KCNH8: variants seen among roughly 807,000 people sequenced by gnomAD.
KCNH8 encodes voltage-gated delayed rectifier potassium channel KCNH8.
KCNH8 carries 70 observed loss-of-function variants against 103.6 expected under a neutral mutation model. The observed-to-expected ratio is 0.68, with a 90% CI of 0.56 to 0.82. The LOEUF (loss-of-function observed/expected upper bound fraction) is 0.82. Among genes scored for constraint, KCNH8 ranks in the 40% least tolerant of loss-of-function variants. The pLI, the probability that KCNH8 is intolerant of heterozygous loss-of-function variation, is 0.00. For synonymous variants in KCNH8, 498 were observed against 489.4 expected, an observed-to-expected ratio of 1.02 and a Z score of -0.23; for missense variants, 1,217 against 1,329.9, an observed-to-expected ratio of 0.92 and a Z score of 1.32.
chr3:19,282,659 G>A (rs2064773295), intron 3 of KCNH8, among the ~76,000 whole-genome samples: 1 of 151,984 alleles, frequency 6.6e-6, no homozygotes, highest in Non-Finnish European at 1.5e-5. Flanking sequence ...CATGCCTAAT[G>A]GTTTTATACA....
At chr3:19,468,562 G>A (rs2067790646) in intron 11 of KCNH8, among the ~76,000 whole-genome samples, 1 of 152,138 alleles carries the variant, frequency 6.6e-6, no homozygotes, top group Admixed American at 6.5e-5. Context: ...AGCAACATGA[G>A]GAATTTAAGC....
At chr3:19,272,466 C>T (rs984842887) in intron 2 of KCNH8, among the ~76,000 whole-genome samples, 1 of 152,072 alleles carries the variant, frequency 6.6e-6, no homozygotes, top group African/African-American at 2.4e-5. Context: ...TCATGGGCTG[C>T]TTCTAGCCAA....
At chr3:19,411,213 G>T (rs1347391715) in intron 7 of KCNH8, among the ~76,000 whole-genome samples, 2 of 151,970 alleles carry the variant, frequency 1.3e-5, no homozygotes, top group Non-Finnish European at 2.9e-5. Flanking sequence ...CGTTCCGCAT[G>T]CACAAAACAA....
rs370202085 is a variant in KCNH8, at chr3:19,451,121, C to T, written c.1576-34C>T. ...GTAAATCAGTTAGACTACACTTACC[C>T]CAATTTGATTTCCTCCTTCATCTTC... is the stretch of plus-strand genomic sequence containing the variant. On this transcript the variant is annotated intron_variant, in intron 9 of 15. Transcript: ENST00000328405. The T allele has an allele frequency of 5.7e-5, 91 of 1,609,908 alleles. No individual in the cohort carries two copies. The East Asian group carries it at 1.1e-3, about 19-fold the overall frequency.
chr3:19,174,115 T>G (rs527963511), intron 1 of KCNH8, among the ~76,000 whole-genome samples: 1 of 151,858 alleles, frequency 6.6e-6, no homozygotes, highest in African/African-American at 2.4e-5. Flanking sequence ...TAAAAAGAAG[T>G]AAGAAAAAGA....
intron 7 of KCNH8, among the ~76,000 whole-genome samples, chr3:19,406,816 G>A (rs1280891442): frequency 6.6e-6 from 1 of 152,090 alleles, no homozygotes; most frequent in African/African-American, 2.4e-5. Flanking sequence ...GGAGAACATA[G>A]ATTGAGTGTT....
At chr3:19,530,934 G>C (rs372273779) in intron 15 of KCNH8, among the ~76,000 whole-genome samples, 2 of 152,154 alleles carry the variant, frequency 1.3e-5, no homozygotes, top group African/African-American at 4.8e-5. Flanking sequence ...GTTGAGAAAT[G>C]ATAGTACATC....
intron 7 of KCNH8, among the ~76,000 whole-genome samples, chr3:19,406,065 G>A (rs2066686866): frequency 1.3e-5 from 2 of 151,974 alleles, no homozygotes; most frequent in South Asian, 4.1e-4. Context: ...TTACCTTTAA[G>A]AAATGTGTCT....
At chr3:19,476,669 T>C (rs900189898) in intron 11 of KCNH8, among the ~76,000 whole-genome samples, 1 of 152,158 alleles carries the variant, frequency 6.6e-6, no homozygotes, top group African/African-American at 2.4e-5. Flanking sequence ...CTTCTTAAGC[T>C]TGAAATCTTT....
At position 19,242,964 on chromosome 3, in the gene KCNH8, G is replaced by A. The variant is rs183112813; in HGVS notation, c.77-10690G>A. On this transcript the variant is annotated intron_variant, in intron 1 of 15. Coordinates refer to ENST00000328405, the MANE Select transcript of KCNH8 (RefSeq NM_144633.3). ...TAGCCATCCTCCACTGAACTCAGGA[G>A]TATTACAGCTCTAAGGATGGTTTAA... 4.5e-3 allele frequency among the ~76,000 whole-genome samples: 683 copies of A among 152,258 alleles called. 2 individuals are homozygous for A. Among genetic ancestry groups the A allele is most frequent in the Non-Finnish European group, 6.5e-3 (440 of 67,992 alleles).
rs547936084 is a variant in KCNH8 at position 19,192,351 on chromosome 3, T to C, written c.76+43556T>C. Reference sequence around the variant, plus strand: ...TAGCAAACATAGTAATTACCAACCTTAAAGAGTCAGCTACTCTCACTGGGG... The same window carrying C: ...TAGCAAACATAGTAATTACCAACCTCAAAGAGTCAGCTACTCTCACTGGGG... On this transcript the variant is annotated intron_variant, in intron 1 of 15. Transcript: ENST00000328405. Among the ~76,000 whole-genome samples, 13 of 151,718 alleles carry C rather than the reference T, an allele frequency of 8.6e-5. No individual in the cohort carries two copies. The East Asian group carries it at 2.3e-3, about 27-fold the overall frequency.
rs138798898 is a variant in KCNH8, at chr3:19,365,561, G to A, written c.811+17596G>A. Among the ~76,000 whole-genome samples the A allele has an allele frequency of 2.4e-3, 371 of 151,908 alleles. 1 individual carries two copies. Among genetic ancestry groups the A allele is most frequent in the African/African-American group, 8.6e-3 (356 of 41,430 alleles). Reference sequence around the variant, plus strand: ...TTTTTGCCACTTAAATATAAAAATCGTAATGAACATCTCTATGAAAAATAT... The same window carrying A: ...TTTTTGCCACTTAAATATAAAAATCATAATGAACATCTCTATGAAAAATAT... On this transcript the variant is annotated intron_variant, in intron 5 of 15. Transcript: ENST00000328405.
At chr3:19,422,451 TA>T (rs1357129694) in intron 7 of KCNH8, among the ~76,000 whole-genome samples, 1 of 152,136 alleles carries the variant, frequency 6.6e-6, no homozygotes, top group East Asian at 1.9e-4. Flanking sequence ...CCAGATGTTT[TA>T]CAAAATTATT....
intron 1 of KCNH8, among the ~76,000 whole-genome samples, chr3:19,206,898 T>C (rs1213443965): frequency 6.6e-6 from 1 of 151,646 alleles, no homozygotes; most frequent in Non-Finnish European, 1.5e-5. Flanking sequence ...GGATGGAAAA[T>C]ATCGGAAGAA....
chr3:19,440,401 G>T (rs1396194671), intron 8 of KCNH8, among the ~76,000 whole-genome samples: 3 of 152,168 alleles, frequency 2.0e-5, no homozygotes. Context: ...AGAAAAAGAG[G>T]TTTAATGGAT....
At chr3:19,184,141 T>C (rs1023690965) in intron 1 of KCNH8, among the ~76,000 whole-genome samples, 2 of 152,088 alleles carry the variant, frequency 1.3e-5, no homozygotes, top group Non-Finnish European at 2.9e-5. Flanking sequence ...AGAGTGCTTG[T>C]TGCATCATTA....
At chr3:19,419,429 T>C (rs1051900788) in intron 7 of KCNH8, among the ~76,000 whole-genome samples, 2 of 151,718 alleles carry the variant, frequency 1.3e-5, no homozygotes, top group Non-Finnish European at 2.9e-5. Context: ...CTCGATCTCC[T>C]GACCTCGTGA....
chr3:19,421,700 T>C (rs1324498339), intron 7 of KCNH8, among the ~76,000 whole-genome samples: 1 of 152,078 alleles, frequency 6.6e-6, no homozygotes, highest in Non-Finnish European at 1.5e-5. Flanking sequence ...TTTAGTGAGC[T>C]CATTTCCATC....
At chr3:19,287,999 A>G (rs534360276) in intron 3 of KCNH8, among the ~76,000 whole-genome samples, 1 of 151,808 alleles carries the variant, frequency 6.6e-6, no homozygotes, top group Non-Finnish European at 1.5e-5. Flanking sequence ...ACCCAGGAGA[A>G]TTTTCCCTCA....
Sources: gnomAD v4.1 joint callset for allele counts (sites outside exome capture counted in the v4.1 genomes callset) on GRCh38, gnomAD v4.1.1 for gene constraint, MANE v1.5 for transcripts, NCBI Gene and HGNC (gene_info 2026-07-23, HGNC 2026-07-21) for gene names.